SPIRE1: variants seen among roughly 807,000 people sequenced by gnomAD.
The protein encoded by SPIRE1 is spire type actin nucleation factor 1.
Under a neutral mutation model 94.1 loss-of-function variants are expected in SPIRE1, and 40 were observed. The ratio of observed to expected loss-of-function variants is 0.43; its 90% CI spans 0.33 to 0.55. The LOEUF is 0.55. Among genes scored for constraint, SPIRE1 ranks in the 20% least tolerant of loss-of-function variants. SPIRE1 has a pLI of 0.06. For missense variants in SPIRE1, 838 were observed against 975.2 expected (o/e 0.86, Z 1.87); for synonymous variants, 376 against 371.7 (o/e 1.01, Z -0.13).
In SPIRE1 at chr18:12,657,659, G is replaced by A. The variant is rs1418257408; in HGVS notation, c.208C>T (p.Arg70Cys). 1 of 1,327,646 alleles carries A rather than the reference G, an allele frequency of 7.5e-7. No homozygotes were observed. The highest frequency in any genetic ancestry group is 9.6e-7 in the Non-Finnish European group (1 of 1,036,932). 82.2% of individuals were successfully genotyped at this position (1,327,646 alleles called of 1,614,324 possible). ...GGCTGGCGGCGGCGGGCGGCGGCGC[G>A]CAGGGAACCGCAGCACTGGTAGCAC... ...AVCYQCCGSL[R>C]AAARRRQPRH... The change falls in exon 1 of 17, where the codon CGC becomes TGC. Residue 70 changes from arginine (R) to cysteine (C), a missense_variant. Coordinates refer to ENST00000409402, the MANE Select transcript of SPIRE1 (RefSeq NM_001128626.2).
At chr18:12,577,924 A>G (rs2036154395) in intron 2 of SPIRE1, among the ~76,000 whole-genome samples, 1 of 152,246 alleles carries the variant, frequency 6.6e-6, no homozygotes, top group Non-Finnish European at 1.5e-5. Flanking sequence ...TTACAAAAGA[A>G]GATATACAAA....
At chr18:12,611,409 C>A (rs1166757271) in intron 2 of SPIRE1, among the ~76,000 whole-genome samples, 2 of 152,232 alleles carry the variant, frequency 1.3e-5, no homozygotes, top group African/African-American at 4.8e-5. Context: ...TACTTAAGCA[C>A]TCCTATGGAG....
At chr18:12,639,732 A>AAAAT (rs1191967255) in intron 1 of SPIRE1, among the ~76,000 whole-genome samples, 18 of 151,598 alleles carry the variant, frequency 1.2e-4, no homozygotes, top group Admixed American at 2.6e-4. Context: ...ACTCCATCTC[A>AAAAT]AAATAAATAA....
chr18:12,624,275 G>A (rs2037559393), intron 2 of SPIRE1, among the ~76,000 whole-genome samples: 1 of 151,534 alleles, frequency 6.6e-6, no homozygotes, highest in Non-Finnish European at 1.5e-5. Context: ...GGGAGTGGTG[G>A]CTCACACCTG....
chr18:12,576,368 C>T (rs62097103), intron 2 of SPIRE1, among the ~76,000 whole-genome samples: 12,986 of 151,348 alleles, frequency 0.086, 672 homozygotes, highest in Middle Eastern at 0.16. Flanking sequence ...GAGGCTGAGA[C>T]GGGTGAAACT....
rs1352215087 is a variant in SPIRE1, at chr18:12,448,307, G to A, written c.*1331C>T. On this transcript the variant is annotated 3_prime_UTR_variant, in exon 17 of 17. Transcript: ENST00000409402. The surrounding 1 kb of genome is among the most constrained non-coding windows in gnomAD (Gnocchi z 4.4). ...ATGCCTTTCATGAAACGGTGCTATC[G>A]TGGTGCTGACTACAGACATGTCCTA... is the stretch of plus-strand genomic sequence containing the variant. The A allele has an allele frequency of 2.0e-5, 3 of 152,588 alleles. No individual in the cohort carries two copies. The highest frequency in any genetic ancestry group is 7.2e-5 in the African/African-American group (3 of 41,432). The allele number at this position is 152,588 out of a possible 1,614,324, so 9.5% of individuals were successfully genotyped here. A position where few individuals can be genotyped will look rare whatever the true frequency, so the allele number is the denominator to read the frequency against.
intron 1 of SPIRE1, among the ~76,000 whole-genome samples, chr18:12,648,078 A>G (rs2038273840): frequency 6.6e-6 from 1 of 152,224 alleles, no homozygotes; most frequent in African/African-American, 2.4e-5. Context: ...AGACTGATAT[A>G]AACAAATGAT....
chr18:12,480,344 C>T (rs1451134527), intron 9 of SPIRE1, among the ~76,000 whole-genome samples: 1 of 152,112 alleles, frequency 6.6e-6, no homozygotes, highest in Non-Finnish European at 1.5e-5. Flanking sequence ...CACAAAAAGT[C>T]TGGGATACAT....
At chr18:12,616,681 T>C (rs1451507960) in intron 2 of SPIRE1, among the ~76,000 whole-genome samples, 2 of 152,206 alleles carry the variant, frequency 1.3e-5, no homozygotes, top group African/African-American at 2.4e-5. Context: ...TGCCTCATAA[T>C]TGACCCAATG....
intron 1 of SPIRE1, chr18:12,656,646 C>G: frequency 2.2e-6 from 2 of 929,408 alleles, no homozygotes; most frequent in Non-Finnish European, 2.6e-6. Context: ...TTTTAATAGA[C>G]TTGCCTCTCA....
chr18:12,555,484 A>AT (rs2035478288), intron 2 of SPIRE1, among the ~76,000 whole-genome samples: 1 of 152,162 alleles, frequency 6.6e-6, no homozygotes, highest in Non-Finnish European at 1.5e-5. Context: ...ACCAAGTGGG[A>AT]TTTTTCCCAG....
chr18:12,564,331 A>C (rs904816562), intron 2 of SPIRE1, among the ~76,000 whole-genome samples: 8 of 152,176 alleles, frequency 5.3e-5, no homozygotes, highest in African/African-American at 1.9e-4. Context: ...AGGAGAATAA[A>C]GGGGGCGAAT....
At chr18:12,642,512 T>C (rs2038113745) in intron 1 of SPIRE1, among the ~76,000 whole-genome samples, 1 of 152,206 alleles carries the variant, frequency 6.6e-6, no homozygotes, top group Admixed American at 6.5e-5. Context: ...CCACAAAATT[T>C]GGATATTATC....
chr18:12,452,347 T>C lies in SPIRE1; in HGVS notation c.1920A>G (p.Ser640=). 6.2e-7 allele frequency: 1 copy of C among 1,613,942 alleles called. No homozygotes were observed. The highest frequency in any genetic ancestry group is 1.1e-5 in the South Asian group (1 of 91,074). The change falls in exon 16 of 17, where the codon TCA becomes TCG. Residue 640 remains serine, a synonymous_variant. Coordinates refer to ENST00000409402, the MANE Select transcript of SPIRE1 (RefSeq NM_001128626.2). ...CTCTTTGCAGAGCAGAAGGTCCCAA[T>C]GAAAAGATAGGAAGAGTGGAGTATG... ...SKPYSTLPIF[S]LGPSALQRGE... is the part of the protein sequence containing the mutation.
chr18:12,551,022 G>A lies in SPIRE1; in HGVS notation c.373-4118C>T, dbSNP rs551215586. Among the ~76,000 whole-genome samples the A allele has an allele frequency of 2.0e-5, 3 of 152,294 alleles. No individual in the cohort carries two copies. The South Asian group carries it at 6.2e-4, about 32-fold the overall frequency. On this transcript the variant is annotated intron_variant, in intron 2 of 16. Coordinates refer to ENST00000409402, the MANE Select transcript of SPIRE1 (RefSeq NM_001128626.2). ...ATAGCCAATGCTATGAATACAATAT[G>A]TATTCCGATATTTCCTTAACTTATA...
At chr18:12,639,159 T>C (rs1187602201) in intron 1 of SPIRE1, among the ~76,000 whole-genome samples, 2 of 151,574 alleles carry the variant, frequency 1.3e-5, no homozygotes, top group East Asian at 3.9e-4. Context: ...TCTCGCTCTG[T>C]CGCCCAGGCT....
chr18:12,657,784 GC>G lies in SPIRE1; in HGVS notation c.82del (p.Ala28GlnfsTer13), dbSNP rs1270179184. The G allele has an allele frequency of 4.6e-6, 6 of 1,305,606 alleles. No homozygotes were observed. Among genetic ancestry groups the G allele is most frequent in the South Asian group, 2.0e-5 (1 of 51,064 alleles). 80.9% of individuals were successfully genotyped at this position (1,305,606 alleles called of 1,614,324 possible). On this transcript the variant is annotated frameshift_variant, in exon 1 of 17. Coordinates refer to ENST00000409402, the MANE Select transcript of SPIRE1 (RefSeq NM_001128626.2). LOFTEE classifies it high-confidence loss of function. Reference protein sequence around the residue: ...VGGEGPREPGAAGGAAGGSRD... With the variant: ...VGGEGPREPGXAGGAAGGSRD... ...GGAGCCCCCGGCCGCGCCGCCGGCT[GC>G]CCCGGGCTCCCGCGGCCCCTCGCCG...
rs1430313270 is a variant in SPIRE1, at chr18:12,448,811, T to C, written c.*827A>G. On this transcript the variant is annotated 3_prime_UTR_variant, in exon 17 of 17. Transcript: ENST00000409402. This position sits in a 1 kb window ranked among gnomAD's most constrained non-coding sequence, Gnocchi z 4.4. ...CTGTACACTGTCACAACCCTTCTCA[T>C]AGGTAACCAAAATACGCTCAACGTC... 1 of 152,348 alleles carries C rather than the reference T, an allele frequency of 6.6e-6. No individual in the cohort carries two copies. The highest frequency in any genetic ancestry group is 1.5e-5 in the Non-Finnish European group (1 of 68,036). 9.4% of individuals were successfully genotyped at this position (152,348 alleles called of 1,614,324 possible). A position where few individuals can be genotyped will look rare whatever the true frequency, so the allele number is the denominator to read the frequency against.
upstream of SPIRE1, chr18:12,658,647 C>T (rs2038631336): frequency 4.3e-6 from 2 of 467,638 alleles, no homozygotes; most frequent in South Asian, 1.6e-5. Context: ...TGCAGGCCCG[C>T]TGAAGCCTCC....
Sources: gnomAD v4.1 joint callset for allele counts (sites outside exome capture counted in the v4.1 genomes callset) on GRCh38, gnomAD v4.1.1 for gene constraint, Gnocchi (gnomAD v3.1) non-coding constraint, MANE v1.5 for transcripts, NCBI Gene and HGNC (gene_info 2026-07-23, HGNC 2026-07-21) for gene names.